Variants in UQCC1 observed in about 807,000 individuals in gnomAD.
UQCC1 encodes bFGF-repressed Zic-binding protein.
Under a neutral mutation model 48.0 loss-of-function variants are expected in UQCC1, and 38 were observed. That is an observed-to-expected ratio of 0.79 (90% CI 0.61 to 1.04). The LOEUF is 1.04. Among genes scored for constraint, UQCC1 ranks in the 50% least tolerant of loss-of-function variants. The pLI is 0.00. For synonymous variants in UQCC1, 111 were observed against 129.2 expected (o/e 0.86, Z 0.95); for missense variants, 368 against 381.8 (o/e 0.96, Z 0.30).
chr20:35,397,477 C>G (rs1291837906), intron 1 of UQCC1, among the ~76,000 whole-genome samples: 2 of 144,936 alleles, frequency 1.4e-5, no homozygotes, highest in East Asian at 4.0e-4. Context: ...GATCACGCCA[C>G]TGCACTCCAG....
chr20:35,360,359 G>A (rs550334158), intron 6 of UQCC1, among the ~76,000 whole-genome samples: 42 of 152,180 alleles, frequency 2.8e-4, no homozygotes, highest in African/African-American at 9.6e-4. Flanking sequence ...AGTGTCTGCC[G>A]GTGCAGTTCT....
chr20:35,352,681 T>A (rs116837614), intron 6 of UQCC1, among the ~76,000 whole-genome samples: 17 of 110,050 alleles, frequency 1.5e-4, no homozygotes, highest in African/African-American at 4.7e-4. Context: ...TGAGTCACAG[T>A]TTGGTTTTTG....
chr20:35,397,580 CT>C lies in UQCC1; in HGVS notation c.25-3385del, dbSNP rs367619138. Among the ~76,000 whole-genome samples the C allele has an allele frequency of 6.8e-3, 1,020 of 150,128 alleles. 16 individuals carry two copies. Among genetic ancestry groups the C allele is most frequent in the African/African-American group, 0.024 (965 of 40,862 alleles). ...AAACATGCCATACTAAACATGTAGACTTTTTTTTTCTCGTCACTACTCCCTA... is the reference window on the plus strand; with the variant it reads ...AAACATGCCATACTAAACATGTAGACTTTTTTTTCTCGTCACTACTCCCTA... On this transcript the variant is annotated intron_variant, in intron 1 of 9. Coordinates refer to ENST00000374385, the MANE Select transcript of UQCC1 (RefSeq NM_018244.5).
intron 7 of UQCC1, among the ~76,000 whole-genome samples, chr20:35,330,495 C>T (rs561995343): frequency 8.8e-4 from 134 of 152,300 alleles, no homozygotes; most frequent in Non-Finnish European, 1.7e-3. Flanking sequence ...GGGCTTCCTG[C>T]CATCAGCCAG....
chr20:35,309,955 A>G (rs1293027452), intron 8 of UQCC1, among the ~76,000 whole-genome samples: 1 of 152,228 alleles, frequency 6.6e-6, no homozygotes, highest in African/African-American at 2.4e-5. Context: ...ACACATGCCA[A>G]GCTGCACAGT....
chr20:35,312,986 G>A (rs111896885), intron 8 of UQCC1, among the ~76,000 whole-genome samples: 142 of 152,240 alleles, frequency 9.3e-4, no homozygotes, highest in African/African-American at 3.2e-3. Context: ...TGGTGGTGAC[G>A]GTGCAAAGCA....
intron 6 of UQCC1, among the ~76,000 whole-genome samples, chr20:35,362,513 T>G (rs1358245076): frequency 6.6e-6 from 1 of 152,142 alleles, no homozygotes; most frequent in African/African-American, 2.4e-5. Flanking sequence ...CCCGCCACCA[T>G]GCCTGGATAA....
intron 7 of UQCC1, among the ~76,000 whole-genome samples, chr20:35,342,881 C>A (rs765428531): frequency 9.9e-5 from 15 of 152,042 alleles, no homozygotes; most frequent in African/African-American, 3.4e-4. Context: ...ACCAGCTTCA[C>A]GATGATATAT....
intron 2 of UQCC1, among the ~76,000 whole-genome samples, chr20:35,387,105 C>T (rs1272878140): frequency 6.6e-6 from 1 of 151,462 alleles, no homozygotes; most frequent in African/African-American, 2.4e-5. Context: ...GGCAAACCAC[C>T]ATCTCTACCC....
At chr20:35,400,741 C>T (rs879531508) in intron 1 of UQCC1, among the ~76,000 whole-genome samples, 1 of 151,822 alleles carries the variant, frequency 6.6e-6, no homozygotes, top group Non-Finnish European at 1.5e-5. Flanking sequence ...GTGATCCGCC[C>T]GCCTCGGCCT....
At chr20:35,394,378 A>G (rs2062049803) in intron 1 of UQCC1, among the ~76,000 whole-genome samples, 182 bp from the exon 2 acceptor site, 1 of 152,144 alleles carries the variant, frequency 6.6e-6, no homozygotes, top group East Asian at 1.9e-4. Flanking sequence ...TCTGTAACTC[A>G]TAATAAGCCC....
At chr20:35,375,437 C>G (rs904350534) in intron 4 of UQCC1, among the ~76,000 whole-genome samples, 1 of 151,944 alleles carries the variant, frequency 6.6e-6, no homozygotes, top group African/African-American at 2.4e-5. Flanking sequence ...AGCTTCCAGT[C>G]TAAAGTTAAT....
chr20:35,317,364 A>G (rs1420861575), intron 7 of UQCC1, among the ~76,000 whole-genome samples: 1 of 152,276 alleles, frequency 6.6e-6, no homozygotes, highest in Admixed American at 6.5e-5. Flanking sequence ...GTAAGGAATT[A>G]TAAGTAATAA....
chr20:35,351,870 T>C (rs944099604), intron 6 of UQCC1, among the ~76,000 whole-genome samples: 5 of 152,216 alleles, frequency 3.3e-5, no homozygotes, highest in African/African-American at 1.2e-4. Flanking sequence ...ACTTTCAAAA[T>C]GGTGACTGAC....
At chr20:35,367,751 C>A (rs1379959653) in intron 5 of UQCC1, among the ~76,000 whole-genome samples, 1 of 152,022 alleles carries the variant, frequency 6.6e-6, no homozygotes, top group African/African-American at 2.4e-5. Flanking sequence ...CACAGCAAGA[C>A]CCTGTCTCAA....
chr20:35,341,942 G>T (rs2061383693), intron 7 of UQCC1, among the ~76,000 whole-genome samples: 1 of 152,136 alleles, frequency 6.6e-6, no homozygotes, highest in Non-Finnish European at 1.5e-5. Flanking sequence ...AGAACTAGAG[G>T]AAATGAGTTT....
chr20:35,404,687 GAA>G (rs1266831168), intron 1 of UQCC1, among the ~76,000 whole-genome samples: 11 of 99,340 alleles, frequency 1.1e-4, no homozygotes, highest in Admixed American at 2.0e-4. Context: ...GCTTGACTCT[GAA>G]AAAAAAAAAA....
At chr20:35,394,013 T>C (rs2062043975) in intron 2 of UQCC1, 79 bp downstream of exon 2, 1 of 1,398,892 alleles carries the variant, frequency 7.1e-7, no homozygotes, top group Non-Finnish European at 1.0e-6. Context: ...CACAATTTGG[T>C]TGGCTAATCT....
At chr20:35,319,005 C>T (rs537843816) in intron 7 of UQCC1, among the ~76,000 whole-genome samples, 1 of 152,264 alleles carries the variant, frequency 6.6e-6, no homozygotes, top group South Asian at 2.1e-4. Flanking sequence ...AGTGTTGGGC[C>T]GTTCTCTTAT....
Sources: gnomAD v4.1 joint callset for allele counts (sites outside exome capture counted in the v4.1 genomes callset) on GRCh38, gnomAD v4.1.1 for gene constraint, MANE v1.5 for transcripts, NCBI Gene and HGNC (gene_info 2026-07-23, HGNC 2026-07-21) for gene names.